NOVA1: variants seen among roughly 807,000 people sequenced by gnomAD.
NOVA1 encodes RNA-binding protein Nova-1.
NOVA1 carries 7 observed loss-of-function variants against 38.0 expected under a neutral mutation model. That is an observed-to-expected ratio of 0.18 (90% confidence interval 0.10 to 0.35). The LOEUF is 0.35. Among genes scored for constraint, NOVA1 ranks in the 10% least tolerant of loss-of-function variants. The pLI is 1.00. For synonymous variants in NOVA1, 270 were observed against 232.5 expected (o/e 1.16, Z -1.47); for missense variants, 460 against 616.0 (o/e 0.75, Z 2.68).
At chr14:26,566,303 A>G (rs1286522387) in intron 2 of NOVA1, among the ~76,000 whole-genome samples, 1 of 152,146 alleles carries the variant, frequency 6.6e-6, no homozygotes, top group Non-Finnish European at 1.5e-5. Flanking sequence ...TATTGTCATC[A>G]AAATAATAGT....
At chr14:26,460,114 C>T (rs1222532817) in intron 4 of NOVA1, among the ~76,000 whole-genome samples, 1 of 151,958 alleles carries the variant, frequency 6.6e-6, no homozygotes, top group East Asian at 1.9e-4. Flanking sequence ...GGAGAACAAG[C>T]AGTATTTGGC....
intron 3 of NOVA1, among the ~76,000 whole-genome samples, chr14:26,474,577 C>G (rs1044666363): frequency 2.6e-5 from 4 of 151,436 alleles, no homozygotes; most frequent in African/African-American, 9.7e-5. Context: ...CAAAATTATC[C>G]CTAATAATTG....
At position 26,595,571 on chromosome 14, in the gene NOVA1, A is replaced by AT; in HGVS notation, c.137-19dup. ...GCCGTCTTCTGAAAAATGCAAAGAA[A>AT]TATACTCGGTTAACACAGTATTTCA... On this transcript the variant is annotated intron_variant, in intron 1 of 4. Coordinates refer to ENST00000539517, the MANE Select transcript of NOVA1 (RefSeq NM_002515.3). 1 of 1,610,238 alleles carries AT rather than the reference A, an allele frequency of 6.2e-7. No individual in the cohort carries two copies. The highest frequency in any genetic ancestry group is 8.5e-7 in the Non-Finnish European group (1 of 1,178,556).
At chr14:26,468,837 A>G (rs899905162) in intron 4 of NOVA1, among the ~76,000 whole-genome samples, 4 of 152,230 alleles carry the variant, frequency 2.6e-5, no homozygotes, top group Non-Finnish European at 4.4e-5. Flanking sequence ...AAATGTTTAT[A>G]AACACATATT....
In NOVA1 at chr14:26,591,718, T is replaced by A. The variant is rs555724088; in HGVS notation, c.280+3692A>T. On this transcript the variant is annotated intron_variant, in intron 2 of 4. Coordinates refer to ENST00000539517, the MANE Select transcript of NOVA1 (RefSeq NM_002515.3). ...ATTTGGCCACTATATTTTCCCCTTT[T>A]CAAAATAAAAGCAATGTTGGGTCTT... 4.5e-4 allele frequency among the ~76,000 whole-genome samples: 69 copies of A among 151,698 alleles called. 1 individual carries two copies. The Middle Eastern group carries it at 0.014, about 30-fold the overall frequency.
chr14:26,475,334 T>C (rs1000453601), intron 3 of NOVA1, among the ~76,000 whole-genome samples: 1 of 152,200 alleles, frequency 6.6e-6, no homozygotes, highest in African/African-American at 2.4e-5. Context: ...ACCTGGCCTG[T>C]TGCCTTAACA....
At chr14:26,457,580 C>A (rs1000353088) in intron 4 of NOVA1, among the ~76,000 whole-genome samples, 1 of 152,030 alleles carries the variant, frequency 6.6e-6, no homozygotes, top group Non-Finnish European at 1.5e-5. Context: ...TAGTTGTACA[C>A]AAAGTATTGC....
intron 4 of NOVA1, among the ~76,000 whole-genome samples, chr14:26,454,761 T>A (rs545275132): frequency 6.6e-6 from 1 of 152,190 alleles, no homozygotes; most frequent in Non-Finnish European, 1.5e-5. Flanking sequence ...AGTCAAGATA[T>A]CATAGTTCTG....
At chr14:26,521,712 T>C (rs980755308) in intron 2 of NOVA1, among the ~76,000 whole-genome samples, 4 of 152,096 alleles carry the variant, frequency 2.6e-5, no homozygotes, top group African/African-American at 7.2e-5. Context: ...AAAGTAGATA[T>C]GTTAGAACAG....
chr14:26,554,897 A>T lies in NOVA1; in HGVS notation c.280+40513T>A, dbSNP rs78573317. ...TCTTAGCGTTTTCCTTGCGTATAAA[A>T]GCTACAGAAATATTTGTCTATTTGT... On this transcript the variant is annotated intron_variant, in intron 2 of 4. Transcript: ENST00000539517. 1.2e-3 allele frequency among the ~76,000 whole-genome samples: 190 copies of T among 152,286 alleles called. No homozygotes were observed. In the East Asian group the frequency reaches 0.035, roughly 28 times the overall value.
intron 2 of NOVA1, among the ~76,000 whole-genome samples, chr14:26,489,849 A>G (rs377501175): frequency 6.6e-6 from 1 of 152,152 alleles, no homozygotes. Context: ...AAATAAATAA[A>G]AAATAAAAAT....
rs151065174 is a variant in NOVA1 at position 26,497,426 on chromosome 14, C to T, written c.281-17283G>A. On this transcript the variant is annotated intron_variant, in intron 2 of 4. Transcript: ENST00000539517. ...CCAGAATTACTGCATTAAAATCCAA[C>T]GTAAATGTCAAAAGAAGAGGGAAAA... Among the ~76,000 whole-genome samples, 318 of 152,138 alleles carry T rather than the reference C, an allele frequency of 2.1e-3. 1 individual carries two copies. Among genetic ancestry groups the T allele is most frequent in the East Asian group, 0.015 (80 of 5,176 alleles).
chr14:26,560,953 G>C (rs1351159214), intron 2 of NOVA1, among the ~76,000 whole-genome samples: 2 of 152,172 alleles, frequency 1.3e-5, no homozygotes, highest in South Asian at 2.1e-4. Context: ...ATTTCCAAAT[G>C]CTCTATTACA....
Position 26,446,960 on chromosome 14 carries a change from C to G in NOVA1, c.*999G>C, listed in dbSNP as rs888555902. ...CAAACAGCTAAATCACAGATAGCTT[C>G]ACAGTAAAATCTACATTCACAATAC... On this transcript the variant is annotated 3_prime_UTR_variant, in exon 5 of 5. Transcript: ENST00000539517. The G allele has an allele frequency of 6.6e-6, 1 of 152,630 alleles. No homozygotes were observed. The highest frequency in any genetic ancestry group is 1.9e-4 in the East Asian group (1 of 5,188). The allele number at this position is 152,630 out of a possible 1,614,324, so 9.5% of individuals were successfully genotyped here.
At chr14:26,452,071 T>C (rs550490512) in intron 4 of NOVA1, among the ~76,000 whole-genome samples, 1 of 152,292 alleles carries the variant, frequency 6.6e-6, no homozygotes, top group South Asian at 2.1e-4. Context: ...AATGGAAACA[T>C]AAATATAAAA....
chr14:26,485,752 T>C (rs1454996289), intron 2 of NOVA1, among the ~76,000 whole-genome samples: 4 of 152,280 alleles, frequency 2.6e-5, no homozygotes, highest in Middle Eastern at 3.4e-3. Flanking sequence ...TTTATATTCC[T>C]ACTGGAAATA....
chr14:26,583,880 TTCAC>T (rs1189402162), intron 2 of NOVA1, among the ~76,000 whole-genome samples: 1 of 55,906 alleles, frequency 1.8e-5, no homozygotes, highest in African/African-American at 6.3e-5. Flanking sequence ...CAGCATCAAA[TTCAC>T]ACACACACAC....
At chr14:26,462,612 G>A (rs1419336867) in intron 4 of NOVA1, among the ~76,000 whole-genome samples, 3 of 152,130 alleles carry the variant, frequency 2.0e-5, no homozygotes, top group Non-Finnish European at 4.4e-5. Context: ...TATTACATAT[G>A]TTACACAATC....
chr14:26,565,475 T>TC (rs1566542527), intron 2 of NOVA1, among the ~76,000 whole-genome samples: 3 of 152,116 alleles, frequency 2.0e-5, no homozygotes, highest in Non-Finnish European at 4.4e-5. Flanking sequence ...CACCACTCTC[T>TC]TTCCTTTTCT....
Sources: gnomAD v4.1 joint callset for allele counts (sites outside exome capture counted in the v4.1 genomes callset) on GRCh38, gnomAD v4.1.1 for gene constraint, MANE v1.5 for transcripts, NCBI Gene and HGNC (gene_info 2026-07-23, HGNC 2026-07-21) for gene names.